The following MTUS2 variants were observed in gnomAD, a reference collection of about 807,000 sequenced individuals.
The protein encoded by MTUS2 is microtubule associated scaffold protein 2, also known as microtubule-associated tumor suppressor candidate 2.
Under a neutral mutation model 114.1 loss-of-function variants are expected in MTUS2, and 40 were observed. The observed-to-expected ratio is 0.35, with a 90% CI of 0.27 to 0.46. The LOEUF (loss-of-function observed/expected upper bound fraction) is 0.46, where lower values mean the gene tolerates loss of function less well. Ranked by LOEUF, MTUS2 falls within the 20% of genes least tolerant of loss-of-function variation. MTUS2 has a pLI of 1.00. For missense variants in MTUS2, 1,679 were observed against 1,705.4 expected (o/e 0.98, Z 0.27); for synonymous variants, 688 against 672.0 (o/e 1.02, Z -0.37).
intron 7 of MTUS2, among the ~76,000 whole-genome samples, chr13:29,333,955 C>T (rs1309296489): frequency 7.3e-5 from 11 of 151,470 alleles, no homozygotes; most frequent in Admixed American, 3.3e-4. Flanking sequence ...CCTTCTTTGC[C>T]TTTTTTGATC....
chr13:29,309,440 G>T (rs187385724), intron 6 of MTUS2, among the ~76,000 whole-genome samples: 2 of 151,902 alleles, frequency 1.3e-5, no homozygotes, highest in East Asian at 3.9e-4. Context: ...GTGGAGGATG[G>T]GGGGAGGGAA....
rs550111254 is a variant in MTUS2 at position 28,830,912 on chromosome 13, A to G, written c.-315-8866A>G. Among the ~76,000 whole-genome samples the G allele has an allele frequency of 3.9e-5, 6 of 152,348 alleles. No individual in the cohort carries two copies. In the South Asian group the frequency reaches 1.0e-3, roughly 26 times the overall value. On this transcript the variant is annotated intron_variant, in intron 1 of 15. Transcript: ENST00000612955. ...AAAAAAACTGTCAATCAAGAATTCT[A>G]TATCCAGCAAAACTATTATTCAAAA...
At chr13:29,054,714 A>G (rs1229475793) in intron 4 of MTUS2, among the ~76,000 whole-genome samples, 1 of 152,096 alleles carries the variant, frequency 6.6e-6, no homozygotes, top group Non-Finnish European at 1.5e-5. Flanking sequence ...ATGTTTTCCT[A>G]TGCTACTGGC....
intron 6 of MTUS2, among the ~76,000 whole-genome samples, chr13:29,322,569 G>A (rs1900299072): frequency 6.6e-6 from 1 of 152,174 alleles, no homozygotes; most frequent in South Asian, 2.1e-4. Context: ...AAACAGGTGA[G>A]GATAGAATAG....
At chr13:29,336,352 A>G (rs1901062280) in intron 7 of MTUS2, among the ~76,000 whole-genome samples, 1 of 151,976 alleles carries the variant, frequency 6.6e-6, no homozygotes, top group African/African-American at 2.4e-5. Context: ...TGTTGATGTT[A>G]TGCTATTCCT....
At position 28,953,266 on chromosome 13, in the gene MTUS2, T is replaced by C. The variant is rs142972488; in HGVS notation, c.-242-71191T>C. Among the ~76,000 whole-genome samples the C allele has an allele frequency of 3.2e-3, 493 of 152,196 alleles. 3 individuals are homozygous for C. The highest frequency in any genetic ancestry group is 0.01 in the Admixed American group (158 of 15,280). ...TCTCATGCCTGTAATCCCTGCACTT[T>C]GGGAGGCCGAGGTGGGTGGATCGCC... On this transcript the variant is annotated intron_variant, in intron 2 of 15. Transcript: ENST00000612955.
At chr13:29,121,112 G>T (rs1891288284) in intron 5 of MTUS2, among the ~76,000 whole-genome samples, 1 of 152,100 alleles carries the variant, frequency 6.6e-6, no homozygotes, top group African/African-American at 2.4e-5. Context: ...TTTTTTAGAG[G>T]TAACAATATA....
At chr13:28,875,013 CT>C (rs1311219933) in intron 2 of MTUS2, among the ~76,000 whole-genome samples, 2 of 152,148 alleles carry the variant, frequency 1.3e-5, no homozygotes, top group Non-Finnish European at 1.5e-5. Flanking sequence ...GTTGTCTCCC[CT>C]TTAGAAAAAT....
At chr13:28,933,475 C>A (rs1881730834) in intron 2 of MTUS2, among the ~76,000 whole-genome samples, 1 of 152,212 alleles carries the variant, frequency 6.6e-6, no homozygotes, top group East Asian at 1.9e-4. Context: ...GTCAATTGAT[C>A]ATATGTGTTA....
At chr13:29,143,682 T>A (rs559291400) in intron 5 of MTUS2, among the ~76,000 whole-genome samples, 40 of 152,208 alleles carry the variant, frequency 2.6e-4, no homozygotes, top group Admixed American at 3.3e-4. Flanking sequence ...ATATGAAATA[T>A]TTAGTTGGAG....
At chr13:28,860,756 A>C (rs930045442) in intron 2 of MTUS2, among the ~76,000 whole-genome samples, 1 of 152,082 alleles carries the variant, frequency 6.6e-6, no homozygotes, top group Non-Finnish European at 1.5e-5. Flanking sequence ...AAATTCATAT[A>C]TATGTCAACT....
chr13:29,129,321 A>C (rs1438407346), intron 5 of MTUS2, among the ~76,000 whole-genome samples: 1 of 151,374 alleles, frequency 6.6e-6, no homozygotes, highest in African/African-American at 2.4e-5. Context: ...CAGATTCTGT[A>C]TGCTGGTCTT....
chr13:29,366,830 G>A (rs76807924), intron 8 of MTUS2, among the ~76,000 whole-genome samples: 112,616 of 151,652 alleles, frequency 0.74, 42,031 homozygotes, highest in East Asian at 0.83. Flanking sequence ...TTCCTTTGGC[G>A]TCTGGTTTCT....
chr13:29,236,465 G>A (rs1157538336), intron 5 of MTUS2, among the ~76,000 whole-genome samples: 8 of 152,328 alleles, frequency 5.3e-5, no homozygotes, highest in South Asian at 2.1e-4. Context: ...GAAAGCTGGA[G>A]TGAACTGTGT....
In MTUS2 at chr13:28,966,750, A is replaced by C. The variant is rs1048561785; in HGVS notation, c.-242-57707A>C. On this transcript the variant is annotated intron_variant, in intron 2 of 15. Transcript: ENST00000612955. ...AAAAAAAAAAAAAAAAAAAAAAAAC[A>C]AAGAACTGATTATTATTTTTTGAAC... is the stretch of plus-strand genomic sequence containing the variant. Among the ~76,000 whole-genome samples the C allele has an allele frequency of 2.9e-5, 4 of 135,728 alleles. 1 individual carries two copies. The East Asian group carries it at 9.2e-4, about 31-fold the overall frequency. 89.0% of individuals were successfully genotyped at this position (135,728 alleles called of 152,430 possible).
At chr13:29,497,374 C>A in intron 13 of MTUS2, 38 bp downstream of exon 13, 1 of 1,569,664 alleles carries the variant, frequency 6.4e-7, no homozygotes, top group Non-Finnish European at 8.7e-7. Context: ...CCCGCAGGAA[C>A]CCCGCCCCAG....
chr13:29,264,023 G>A lies in MTUS2; in HGVS notation c.2645-17681G>A, dbSNP rs372134055. Among the ~76,000 whole-genome samples, 36 of 152,324 alleles carry A rather than the reference G, an allele frequency of 2.4e-4. No individual in the cohort carries two copies. The East Asian group carries it at 4.2e-3, about 18-fold the overall frequency. On this transcript the variant is annotated intron_variant, in intron 5 of 15. Coordinates refer to ENST00000612955, the MANE Select transcript of MTUS2 (RefSeq NM_001033602.4). ...CAAAGGCTCATCTGAGACAAGGCAC[G>A]TCCCTTCCACTGATGAGCCTGTAAA...
intron 4 of MTUS2, among the ~76,000 whole-genome samples, chr13:29,064,094 T>C (rs1888543741): frequency 6.6e-6 from 1 of 152,150 alleles, no homozygotes; most frequent in Admixed American, 6.5e-5. Flanking sequence ...TGTGGAAAAG[T>C]GTTATTAAAG....
At chr13:28,829,326 G>C (rs1446762946) in intron 1 of MTUS2, among the ~76,000 whole-genome samples, 1 of 151,974 alleles carries the variant, frequency 6.6e-6, no homozygotes, top group African/African-American at 2.4e-5. Flanking sequence ...AGGAGTTTGA[G>C]ACCAGCCTGG....
Sources: allele counts gnomAD v4.1 joint callset (sites outside exome capture counted in the v4.1 genomes callset), GRCh38; gene constraint gnomAD v4.1.1; transcripts MANE v1.5; gene names NCBI Gene and HGNC (gene_info 2026-07-23, HGNC 2026-07-21).